PCDHA8: variants seen among roughly 807,000 people sequenced by gnomAD.
PCDHA8 encodes the protein protocadherin alpha 8.
In PCDHA8, 53 loss-of-function variants were observed where a neutral mutation model predicts 61.8. That is an observed-to-expected ratio of 0.86 (90% CI 0.69 to 1.08). The LOEUF (loss-of-function observed/expected upper bound fraction) is 1.08. PCDHA8 is among the 50% of genes least tolerant of loss of function. The probability of loss-of-function intolerance (pLI) is 0.00; values close to 1 mark genes in which losing one functional copy is unlikely to be tolerated. For synonymous variants in PCDHA8, 618 were observed against 556.6 expected (o/e 1.11, Z -1.55); for missense variants, 1,293 against 1,245.0 (o/e 1.04, Z -0.58).
chr5:140,950,435 A>T (rs2094483371), intron 1 of PCDHA8, among the ~76,000 whole-genome samples: 1 of 152,038 alleles, frequency 6.6e-6, no homozygotes, highest in Non-Finnish European at 1.5e-5. Flanking sequence ...CACTTAAAAA[A>T]AATGTTATTC....
rs140143048 is a variant in PCDHA8, at chr5:140,842,939, G to A, written c.1618G>A (p.Ala540Thr). Reference sequence around the variant, plus strand: ...GCAGTTCCAGGTGAGCGCGCGCGACGCGGGCGTGCCGCCTCTGGGCAGCAA... The same window carrying A: ...GCAGTTCCAGGTGAGCGCGCGCGACACGGGCGTGCCGCCTCTGGGCAGCAA... ...LLQFQVSARD[A>T]GVPPLGSNVT... is the part of the protein sequence containing the mutation. Residue 540 changes from alanine to threonine, a missense_variant, in exon 1 of 4, where the codon GCG becomes ACG. By Grantham distance (58) the Ala-to-Thr change is moderately conservative. Transcript: ENST00000531613. 5.6e-6 allele frequency: 9 copies of A among 1,594,456 alleles called. No individual in the cohort carries two copies. In the African/African-American group the frequency reaches 1.2e-4, roughly 21 times the overall value.
At chr5:140,858,790 AT>A in intron 1 of PCDHA8, 1 of 388,116 alleles carries the variant, frequency 2.6e-6, no homozygotes. Context: ...ATGTTATTTC[AT>A]TTCCAATCTA....
At chr5:140,857,849 G>A (rs782556733) in intron 1 of PCDHA8, 1 of 1,597,964 alleles carries the variant, frequency 6.3e-7, no homozygotes, top group South Asian at 1.1e-5. Flanking sequence ...CGCTGACTCT[G>A]GATACAACGC....
intron 1 of PCDHA8, among the ~76,000 whole-genome samples, chr5:140,872,716 A>G (rs1309493361): frequency 6.6e-6 from 1 of 152,266 alleles, no homozygotes; most frequent in Non-Finnish European, 1.5e-5. Context: ...AACTAGGTAA[A>G]TAAAATTATT....
intron 1 of PCDHA8, among the ~76,000 whole-genome samples, chr5:140,894,025 A>G (rs1473023847): frequency 1.3e-5 from 2 of 152,232 alleles, no homozygotes; most frequent in Admixed American, 6.5e-5. Flanking sequence ...CCAGTTCTGC[A>G]TACTGGTAAT....
intron 1 of PCDHA8, chr5:140,862,770 G>A (rs1554156952): frequency 3.5e-6 from 2 of 576,708 alleles, no homozygotes; most frequent in Non-Finnish European, 6.7e-6. Context: ...AGAGGTACGC[G>A]TTGCAGCCAC....
At chr5:140,989,644 T>C (rs1284720942) in intron 3 of PCDHA8, among the ~76,000 whole-genome samples, 3 of 152,232 alleles carry the variant, frequency 2.0e-5, no homozygotes, top group Non-Finnish European at 4.4e-5. Flanking sequence ...GGGTCTTTCA[T>C]GGCAATATTT....
chr5:140,868,930 G>T, intron 1 of PCDHA8: 8 of 1,085,624 alleles, frequency 7.4e-6, no homozygotes, highest in Non-Finnish European at 1.0e-5. Context: ...TTCATTTAAA[G>T]GTTGGTCTGA....
At chr5:140,954,653 T>C (rs1467846481) in intron 1 of PCDHA8, among the ~76,000 whole-genome samples, 3 of 152,244 alleles carry the variant, frequency 2.0e-5, no homozygotes, top group Admixed American at 6.5e-5. Flanking sequence ...TTAAGTTCCT[T>C]GTAGACTCTG....
rs116743674 is a variant in PCDHA8, at chr5:140,927,144, A to G, written c.2395-51805A>G. On this transcript the variant is annotated intron_variant, in intron 1 of 3. Transcript: ENST00000531613. ...TGGTCAGAGAGCCGGCGGACCGCGA[A>G]CAGCTGTGCAGGGCCAAAGCTGCCT... 3.2e-3 allele frequency: 5,191 copies of G among 1,614,096 alleles called. 26 individuals are homozygous for G. The highest frequency in any genetic ancestry group is 0.019 in the African/African-American group (1,449 of 75,034).
intron 1 of PCDHA8, among the ~76,000 whole-genome samples, chr5:140,975,382 A>G (rs1219046015): frequency 1.3e-5 from 2 of 152,258 alleles, no homozygotes; most frequent in African/African-American, 4.8e-5. Flanking sequence ...AATCATGGGA[A>G]TAAGATCCAT....
chr5:140,957,709 A>T (rs1321290139), intron 1 of PCDHA8, among the ~76,000 whole-genome samples: 6 of 152,264 alleles, frequency 3.9e-5, no homozygotes, highest in Admixed American at 3.3e-4. Context: ...TGTAGTTTTT[A>T]TTAAGAAAGA....
intron 1 of PCDHA8, chr5:140,883,871 G>C: frequency 1.9e-6 from 3 of 1,613,242 alleles, no homozygotes; most frequent in Non-Finnish European, 2.5e-6. Context: ...GCAGTTCCAG[G>C]TGAGCGCGCG....
At chr5:140,851,191 T>A in intron 1 of PCDHA8, 1 of 1,215,936 alleles carries the variant, frequency 8.2e-7, no homozygotes, top group Non-Finnish European at 1.1e-6. Flanking sequence ...ACCAATTTAG[T>A]TGTTAGTCAT....
At chr5:140,856,902 C>A in intron 1 of PCDHA8, 1 of 1,596,268 alleles carries the variant, frequency 6.3e-7, no homozygotes, top group Non-Finnish European at 8.6e-7. Flanking sequence ...TCTTTGGTCC[C>A]ACCCACGATA....
chr5:140,884,762 A>C, intron 1 of PCDHA8: 1 of 1,423,132 alleles, frequency 7.0e-7, no homozygotes, highest in Non-Finnish European at 9.2e-7. Flanking sequence ...ATTATTCTTT[A>C]CTTTAATTTT....
intron 2 of PCDHA8, among the ~76,000 whole-genome samples, chr5:140,981,701 C>A (rs546149642): frequency 5.3e-5 from 8 of 152,268 alleles, no homozygotes; most frequent in African/African-American, 1.9e-4. Context: ...TTCATTCATT[C>A]ATTCATTCAT....
At chr5:140,980,615 C>T (rs1182621837) in intron 2 of PCDHA8, among the ~76,000 whole-genome samples, 4 of 151,596 alleles carry the variant, frequency 2.6e-5, no homozygotes, top group Admixed American at 6.6e-5. Flanking sequence ...GGCGACAGTG[C>T]GAGACTCTGT....
chr5:140,917,633 A>T (rs537704186), intron 1 of PCDHA8, among the ~76,000 whole-genome samples: 1 of 152,268 alleles, frequency 6.6e-6, no homozygotes, highest in East Asian at 1.9e-4. Context: ...ATGGTTAGCT[A>T]GTTATCCCAG....
Sources: gnomAD v4.1 joint callset for allele counts (sites outside exome capture counted in the v4.1 genomes callset) on GRCh38, gnomAD v4.1.1 for gene constraint, MANE v1.5 for transcripts, NCBI Gene and HGNC (gene_info 2026-07-23, HGNC 2026-07-21) for gene names.